POU2F1: variants seen among roughly 807,000 people sequenced by gnomAD.
The protein encoded by POU2F1 is POU domain, class 2, transcription factor 1.
In POU2F1, 16 loss-of-function variants were observed where a neutral mutation model predicts 84.9. That is an observed-to-expected ratio of 0.19 (90% CI 0.13 to 0.29). POU2F1 has a LOEUF of 0.29. Ranked by LOEUF, POU2F1 falls within the 10% of genes least tolerant of loss-of-function variation. The pLI is 1.00. For missense variants in POU2F1, 738 were observed against 942.6 expected (o/e 0.78, Z 2.84); for synonymous variants, 368 against 368.3 (o/e 1.00, Z 0.01).
chr1:167,348,562 G>A (rs111834015), intron 2 of POU2F1, among the ~76,000 whole-genome samples: 5 of 152,188 alleles, frequency 3.3e-5, no homozygotes, highest in African/African-American at 1.2e-4. Context: ...TTAAAAAGTG[G>A]CAACTCTTCA....
intron 7 of POU2F1, among the ~76,000 whole-genome samples, chr1:167,382,259 C>A (rs1403311320): frequency 6.6e-6 from 1 of 151,984 alleles, no homozygotes; most frequent in Non-Finnish European, 1.5e-5. Flanking sequence ...AAGAATGGGC[C>A]CATGGTCTGG....
At chr1:167,358,126 T>TC (rs201699995) in intron 2 of POU2F1, among the ~76,000 whole-genome samples, 56 of 134,110 alleles carry the variant, frequency 4.2e-4, no homozygotes, top group South Asian at 9.6e-4. Flanking sequence ...TCTTTTCTTT[T>TC]TTTTTTTTTT....
intron 3 of POU2F1, among the ~76,000 whole-genome samples, chr1:167,367,726 T>C (rs1659772292): frequency 6.6e-6 from 1 of 152,180 alleles, no homozygotes; most frequent in Non-Finnish European, 1.5e-5. Flanking sequence ...TGTATATGTA[T>C]GTATGTACAC....
intron 12 of POU2F1, 46 bp downstream of exon 12, chr1:167,399,411 C>T (rs1402062572): frequency 1.3e-6 from 2 of 1,500,940 alleles, no homozygotes; most frequent in East Asian, 4.6e-5. Flanking sequence ...CTAATTTTTG[C>T]AATTTTACAA....
At chr1:167,233,154 T>TA (rs1553195644) in intron 1 of POU2F1, among the ~76,000 whole-genome samples, 2 of 150,764 alleles carry the variant, frequency 1.3e-5, no homozygotes, top group Non-Finnish European at 3.0e-5. Flanking sequence ...TTTTTTTTTT[T>TA]AAGTAGGGTC....
intron 1 of POU2F1, among the ~76,000 whole-genome samples, chr1:167,272,501 A>T (rs965857025): frequency 2.0e-5 from 3 of 152,140 alleles, no homozygotes; most frequent in Non-Finnish European, 2.9e-5. Context: ...ATTGGCTCAC[A>T]GTTCCACAGG....
chr1:167,330,988 T>C (rs1657049425), intron 1 of POU2F1, among the ~76,000 whole-genome samples: 2 of 152,228 alleles, frequency 1.3e-5, no homozygotes, highest in Admixed American at 6.5e-5. Context: ...GAGATTTTGG[T>C]TGTCATTCAG....
intron 7 of POU2F1, among the ~76,000 whole-genome samples, chr1:167,378,212 A>AT (rs1323611306): frequency 1.3e-5 from 2 of 151,896 alleles, no homozygotes; most frequent in African/African-American, 4.8e-5. Context: ...AGCATCTGTT[A>AT]TTTTTTGAGT....
At chr1:167,359,790 T>G (rs1159248168) in intron 2 of POU2F1, among the ~76,000 whole-genome samples, 2 of 151,714 alleles carry the variant, frequency 1.3e-5, no homozygotes, top group African/African-American at 4.8e-5. Context: ...TAATTTGCAT[T>G]CCTACCAACA....
At chr1:167,404,179 CTTT>C (rs1018018570) in intron 13 of POU2F1, among the ~76,000 whole-genome samples, 3 of 140,668 alleles carry the variant, frequency 2.1e-5, no homozygotes, top group Admixed American at 7.1e-5. Flanking sequence ...GGTAATTTAT[CTTT>C]TTTTTTTTTT....
rs1316813083 is a variant in POU2F1 at position 167,256,087 on chromosome 1, C to T, written c.61+35129C>T. On this transcript the variant is annotated intron_variant, in intron 1 of 15. Transcript: ENST00000367866. ...GGTGGGCACATTACTCTAGTGAAGC[C>T]AGTCACAGCTTTTGCTTTTGTTTGA... 5.3e-5 allele frequency among the ~76,000 whole-genome samples: 8 copies of T among 152,132 alleles called. No individual in the cohort carries two copies. The South Asian group carries it at 8.3e-4, about 16-fold the overall frequency.
chr1:167,391,465 C>T (rs192598375), intron 9 of POU2F1, among the ~76,000 whole-genome samples: 44 of 151,594 alleles, frequency 2.9e-4, no homozygotes, highest in African/African-American at 1.1e-3. Flanking sequence ...CGGTAATGCT[C>T]CACCTGGCCT....
chr1:167,373,917 C>T (rs1660165191), intron 5 of POU2F1, among the ~76,000 whole-genome samples, 191 bp from the exon 6 acceptor site: 1 of 152,024 alleles, frequency 6.6e-6, no homozygotes, highest in African/African-American at 2.4e-5. Flanking sequence ...TGGGGACCAC[C>T]ATTTTAATTT....
intron 2 of POU2F1, among the ~76,000 whole-genome samples, chr1:167,358,128 T>C (rs1349534068): frequency 2.2e-4 from 32 of 142,358 alleles, no homozygotes; most frequent in South Asian, 6.9e-4. Flanking sequence ...TTTTCTTTTT[T>C]TTTTTTTTTT....
chr1:167,295,805 C>G (rs1161677172), intron 1 of POU2F1, among the ~76,000 whole-genome samples: 1 of 152,086 alleles, frequency 6.6e-6, no homozygotes, highest in Non-Finnish European at 1.5e-5. Context: ...AGGCCTTCTT[C>G]TATACCAGGG....
chr1:167,280,434 A>G (rs1488123328), intron 1 of POU2F1, among the ~76,000 whole-genome samples: 1 of 151,894 alleles, frequency 6.6e-6, no homozygotes, highest in Non-Finnish European at 1.5e-5. Flanking sequence ...ATAACTCTGA[A>G]CACTTCCCAC....
At chr1:167,401,378 A>G in intron 12 of POU2F1, 73 bp from the exon 13 acceptor site, 1 of 1,027,966 alleles carries the variant, frequency 9.7e-7, no homozygotes, top group East Asian at 2.7e-5. Context: ...GATCAAAGAA[A>G]GACTGTAAAA....
At chr1:167,374,986 G>A (rs991674302) in intron 6 of POU2F1, among the ~76,000 whole-genome samples, 6 of 151,430 alleles carry the variant, frequency 4.0e-5, no homozygotes, top group African/African-American at 1.5e-4. Context: ...AGAATAGCGT[G>A]AACCCAGGAG....
intron 2 of POU2F1, among the ~76,000 whole-genome samples, chr1:167,363,274 A>G (rs1315475161): frequency 1.3e-5 from 2 of 152,170 alleles, no homozygotes; most frequent in South Asian, 2.1e-4. Context: ...GTAGTGTGTT[A>G]ATCTTTTAAG....
Sources: allele counts gnomAD v4.1 joint callset (sites outside exome capture counted in the v4.1 genomes callset), GRCh38; gene constraint gnomAD v4.1.1; transcripts MANE v1.5; gene names NCBI Gene and HGNC (gene_info 2026-07-23, HGNC 2026-07-21).